Variants in ARMC2 observed in about 807,000 individuals in gnomAD.
ARMC2 encodes armadillo repeat-containing protein 2.
A neutral mutation model predicts 90.3 loss-of-function variants in ARMC2; 67 were observed. The ratio of observed to expected loss-of-function variants is 0.74; its 90% CI spans 0.61 to 0.91. ARMC2 has a LOEUF of 0.91. Among genes scored for constraint, ARMC2 ranks in the 40% least tolerant of loss-of-function variants. The pLI is 0.00. For missense variants in ARMC2, 920 were observed against 1,030.9 expected (o/e 0.89, Z 1.47); for synonymous variants, 393 against 393.0 (o/e 1.00, Z 0.00).
the ARMC2 span, among the ~76,000 whole-genome samples, chr6:109,011,964 T>C: frequency 1.3e-5 from 2 of 152,238 alleles, no homozygotes; most frequent in Admixed American, 6.5e-5. Flanking sequence ...TCTATCATTG[T>C]GCAGATTTAA....
the ARMC2 span, among the ~76,000 whole-genome samples, chr6:108,984,355 G>A: frequency 6.6e-6 from 1 of 152,118 alleles, no homozygotes; most frequent in South Asian, 2.1e-4. Context: ...TTGGAGGCTG[G>A]GAAGTCCGAT....
downstream of ARMC2, among the ~76,000 whole-genome samples, chr6:108,979,148 G>A (rs1025585703): frequency 5.9e-5 from 9 of 152,116 alleles, no homozygotes; most frequent in South Asian, 1.2e-3. Flanking sequence ...TCCTTTCCAC[G>A]TTTAGTGCTT....
chr6:108,990,889 T>C, the ARMC2 span: 18 of 1,461,512 alleles, frequency 1.2e-5, no homozygotes, highest in Non-Finnish European at 1.5e-5. Context: ...TACAGTTCTA[T>C]ATCTATAGCT....
intron 10 of ARMC2, among the ~76,000 whole-genome samples, chr6:108,925,753 G>C (rs1775049070): frequency 6.6e-6 from 1 of 152,166 alleles, no homozygotes; most frequent in African/African-American, 2.4e-5. Flanking sequence ...TTTTTCAAAT[G>C]TATGGTATAT....
At chr6:108,892,837 C>T (rs111275912) in intron 5 of ARMC2, among the ~76,000 whole-genome samples, 2 of 151,124 alleles carry the variant, frequency 1.3e-5, no homozygotes, top group Admixed American at 6.6e-5. Flanking sequence ...ATCTTCAGGG[C>T]GGTAGGAAAG....
At chr6:108,866,364 T>A (rs1035069008) in intron 3 of ARMC2, among the ~76,000 whole-genome samples, 5 of 152,238 alleles carry the variant, frequency 3.3e-5, no homozygotes, top group African/African-American at 1.2e-4. Context: ...TGATTACTTG[T>A]TAAACAAATA....
intron 5 of ARMC2, among the ~76,000 whole-genome samples, chr6:108,890,323 C>CT (rs1441222550): frequency 6.7e-6 from 1 of 148,468 alleles, no homozygotes; most frequent in East Asian, 2.0e-4. Context: ...CTCTGGACTG[C>CT]TTAGACAAGT....
intron 13 of ARMC2, among the ~76,000 whole-genome samples, chr6:108,961,120 C>A (rs1031846238): frequency 2.6e-5 from 4 of 152,120 alleles, no homozygotes; most frequent in Non-Finnish European, 4.4e-5. Context: ...TTCTAGAGTT[C>A]GTAGTCACAG....
At chr6:108,928,378 C>A in intron 11 of ARMC2, 145 bp downstream of exon 11, 1 of 821,310 alleles carries the variant, frequency 1.2e-6, no homozygotes, top group Non-Finnish European at 1.7e-6. Flanking sequence ...TCTAGTGGCC[C>A]AAGTTAAAAA....
At chr6:108,993,147 T>C in the ARMC2 span, 64,380 of 373,418 alleles carry the variant, frequency 0.17, 6,604 homozygotes, top group African/African-American at 0.33. Context: ...CTTTCATAGA[T>C]CCTTTCTCTC....
chr6:109,049,625 A>C, the ARMC2 span, among the ~76,000 whole-genome samples: 1 of 151,984 alleles, frequency 6.6e-6, no homozygotes, highest in East Asian at 1.9e-4. Context: ...AAACACTATT[A>C]TGTACCCCAT....
At chr6:109,032,415 A>C in the ARMC2 span, among the ~76,000 whole-genome samples, 1 of 152,162 alleles carries the variant, frequency 6.6e-6, no homozygotes, top group Middle Eastern at 3.4e-3. Flanking sequence ...TCAGGAATTC[A>C]AGACCAGCCT....
intron 3 of ARMC2, among the ~76,000 whole-genome samples, chr6:108,867,999 CTTTTATG>C (rs1326440763): frequency 6.6e-6 from 1 of 151,804 alleles, no homozygotes; most frequent in Non-Finnish European, 1.5e-5. Context: ...CAACTTTTTG[CTTTTATG>C]TTTTATGACT....
chr6:108,972,839 ATTT>A (rs113667720), intron 17 of ARMC2, among the ~76,000 whole-genome samples: 12 of 137,870 alleles, frequency 8.7e-5, no homozygotes, highest in African/African-American at 2.7e-4. Flanking sequence ...TAATCTTCTG[ATTT>A]TTTTTTTTTT....
At chr6:109,009,374 G>A in the ARMC2 span, 1 of 1,467,640 alleles carries the variant, frequency 6.8e-7, no homozygotes, top group Non-Finnish European at 9.0e-7. Context: ...CCTGGTCGCG[G>A]CCCCCGCCGC....
intron 12 of ARMC2, 37 bp from the exon 13 acceptor site, chr6:108,952,996 C>G (rs951187569): frequency 2.7e-5 from 42 of 1,543,272 alleles, no homozygotes; most frequent in Non-Finnish European, 3.5e-5. Context: ...GTTCCAGCCC[C>G]CTTTGCACTT....
At chr6:108,947,186 C>T (rs759217530) in intron 12 of ARMC2, among the ~76,000 whole-genome samples, 1 of 151,854 alleles carries the variant, frequency 6.6e-6, no homozygotes, top group Non-Finnish European at 1.5e-5. Flanking sequence ...ATGACAGAGT[C>T]GAGGAGACTT....
At position 108,973,549 on chromosome 6, in the gene ARMC2, C is replaced by T. The variant is rs3734649; in HGVS notation, c.*35C>T. 0.12 allele frequency: 182,624 copies of T among 1,551,636 alleles called. 11,603 individuals are homozygous for T. Among genetic ancestry groups the T allele is most frequent in the South Asian group, 0.19 (15,475 of 82,220 alleles). ...GATTAACAGTAGAAACGAGAACTCA[C>T]GTCTCCCTCATTCTTAAGAACTGGT... On this transcript the variant is annotated 3_prime_UTR_variant, in exon 18 of 18. Coordinates refer to ENST00000392644, the MANE Select transcript of ARMC2 (RefSeq NM_032131.6).
In ARMC2 at chr6:108,867,355, T is replaced by C. The variant is rs114886651; in HGVS notation, c.292-1469T>C. ...GTGCAGGTGTTTTTTTTAAAGTTTT[T>C]AAGGAATTAGAATTTTGTTAGTAAT... On this transcript the variant is annotated intron_variant, in intron 3 of 17. Coordinates refer to ENST00000392644, the MANE Select transcript of ARMC2 (RefSeq NM_032131.6). 4.1e-3 allele frequency among the ~76,000 whole-genome samples: 622 copies of C among 152,238 alleles called. 2 individuals carry two copies. Among genetic ancestry groups the C allele is most frequent in the African/African-American group, 0.014 (583 of 41,532 alleles).
Sources: gnomAD v4.1 joint callset for allele counts (sites outside exome capture counted in the v4.1 genomes callset) on GRCh38, gnomAD v4.1.1 for gene constraint, MANE v1.5 for transcripts, NCBI Gene and HGNC (gene_info 2026-07-23, HGNC 2026-07-21) for gene names.